Variants in SOX6 observed in about 807,000 individuals in gnomAD.
SOX6 encodes transcription factor SOX-6.
SOX6 carries 11 observed loss-of-function variants against 97.8 expected under a neutral mutation model. That is an observed-to-expected ratio of 0.11 (90% confidence interval 0.07 to 0.19). The LOEUF (loss-of-function observed/expected upper bound fraction) is 0.19. Ranked by LOEUF, SOX6 falls within the 10% of genes least tolerant of loss-of-function variation. The pLI is 1.00. For missense variants in SOX6, 810 were observed against 1,039.5 expected (o/e 0.78, Z 3.04); for synonymous variants, 360 against 371.4 (o/e 0.97, Z 0.35).
chr11:16,418,930 G>A (rs1369388618), intron 1 of SOX6, among the ~76,000 whole-genome samples: 1 of 152,052 alleles, frequency 6.6e-6, no homozygotes, highest in African/African-American at 2.4e-5. Flanking sequence ...CTATTTCTCT[G>A]AACAGTAGAG....
intron 3 of SOX6, among the ~76,000 whole-genome samples, chr11:16,254,196 CAGG>C (rs1029386163): frequency 1.3e-5 from 2 of 151,848 alleles, no homozygotes; most frequent in Admixed American, 6.6e-5. Flanking sequence ...AATGTGTTGC[CAGG>C]AGATGTTGAA....
chr11:16,401,202 A>G (rs1808958500), intron 1 of SOX6, among the ~76,000 whole-genome samples: 1 of 151,610 alleles, frequency 6.6e-6, no homozygotes, highest in African/African-American at 2.4e-5. Flanking sequence ...AAATTATAAC[A>G]ACGCATATGA....
At chr11:16,684,469 C>G (rs1272613953) in intron 3 of SOX6, among the ~76,000 whole-genome samples, 1 of 151,838 alleles carries the variant, frequency 6.6e-6, no homozygotes, top group East Asian at 1.9e-4. Context: ...TCTCAGCAAA[C>G]TATCACAAGG....
At chr11:16,393,184 C>T (rs1038190142) in intron 1 of SOX6, among the ~76,000 whole-genome samples, 1 of 152,052 alleles carries the variant, frequency 6.6e-6, no homozygotes, top group Non-Finnish European at 1.5e-5. Flanking sequence ...AGGACACCTA[C>T]TGAATTCTCC....
chr11:16,060,524 A>T (rs1383504921), intron 9 of SOX6, among the ~76,000 whole-genome samples: 1 of 152,032 alleles, frequency 6.6e-6, no homozygotes. Flanking sequence ...GAAGGTATTC[A>T]CAAAAATTAA....
At chr11:16,324,943 G>T (rs1856032684) in intron 2 of SOX6, among the ~76,000 whole-genome samples, 2 of 151,932 alleles carry the variant, frequency 1.3e-5, no homozygotes, top group Admixed American at 1.3e-4. Flanking sequence ...AAGAGGAGTT[G>T]GTTGATGAGT....
chr11:16,579,939 A>C (rs907626693), intron 4 of SOX6, among the ~76,000 whole-genome samples: 1 of 152,244 alleles, frequency 6.6e-6, no homozygotes, highest in Middle Eastern at 3.4e-3. Context: ...ATTTACCCTC[A>C]CCAACACGCA....
intron 2 of SOX6, among the ~76,000 whole-genome samples, chr11:16,319,562 T>C (rs1356571877): frequency 1.4e-5 from 2 of 147,100 alleles, no homozygotes; most frequent in African/African-American, 2.5e-5. Flanking sequence ...TGTGTCCAAG[T>C]GTTCCCACCT....
intron 13 of SOX6, among the ~76,000 whole-genome samples, chr11:16,013,784 A>G (rs2133861517): frequency 6.6e-6 from 1 of 152,020 alleles, no homozygotes; most frequent in East Asian, 2.0e-4. Flanking sequence ...AGGGCTTCCT[A>G]ATGTCTAATA....
Position 16,196,658 on chromosome 11 carries a change from CT to C in SOX6, c.536-9704del, listed in dbSNP as rs369841668. 8.7e-3 allele frequency among the ~76,000 whole-genome samples: 1,315 copies of C among 151,090 alleles called. 23 individuals are homozygous for C. Among genetic ancestry groups the C allele is most frequent in the African/African-American group, 0.03 (1,229 of 41,180 alleles). On this transcript the variant is annotated intron_variant, in intron 4 of 15. Transcript: ENST00000683767. ...CCTCTTCCATACTCACTGTCATACT[CT>C]TTTTTTTTCTTACTCTGATCTTGTT...
intron 4 of SOX6, among the ~76,000 whole-genome samples, chr11:16,502,203 A>G (rs1020239836): frequency 6.6e-6 from 1 of 152,304 alleles, no homozygotes; most frequent in Non-Finnish European, 1.5e-5. Flanking sequence ...TCAGCAAACT[A>G]CTGCAAGGAC....
chr11:16,078,954 T>A (rs1848415359), intron 9 of SOX6, among the ~76,000 whole-genome samples: 1 of 152,104 alleles, frequency 6.6e-6, no homozygotes, highest in South Asian at 2.1e-4. Context: ...ATGTCAGGTG[T>A]CAGAAAGATA....
intron 3 of SOX6, among the ~76,000 whole-genome samples, chr11:16,634,586 G>C (rs1460245165): frequency 6.6e-6 from 1 of 152,044 alleles, no homozygotes; most frequent in Non-Finnish European, 1.5e-5. Flanking sequence ...ATTTAATCAA[G>C]TCTATTGATT....
intron 6 of SOX6, among the ~76,000 whole-genome samples, chr11:16,134,320 C>G (rs912851793): frequency 2.6e-5 from 4 of 152,202 alleles, no homozygotes; most frequent in African/African-American, 9.6e-5. Context: ...ATTTTCAAGA[C>G]TGGGGCCCTG....
chr11:16,495,375 G>T (rs187269512), intron 4 of SOX6, among the ~76,000 whole-genome samples: 1 of 152,248 alleles, frequency 6.6e-6, no homozygotes, highest in East Asian at 1.9e-4. Context: ...GTGCCCATAT[G>T]TACCACCAAG....
intron 9 of SOX6, among the ~76,000 whole-genome samples, chr11:16,082,868 C>T (rs1199432102): frequency 6.6e-6 from 1 of 152,108 alleles, no homozygotes; most frequent in Non-Finnish European, 1.5e-5. Context: ...GTGATCTGAC[C>T]CCTTGCATAC....
chr11:16,296,019 GTCCTT>G (rs1855074257), intron 3 of SOX6, among the ~76,000 whole-genome samples: 1 of 152,086 alleles, frequency 6.6e-6, no homozygotes, highest in East Asian at 1.9e-4. Context: ...AAAGATGAAG[GTCCTT>G]TAGGCCCTTC....
chr11:16,322,587 C>A (rs1855961296), intron 2 of SOX6, among the ~76,000 whole-genome samples: 1 of 152,182 alleles, frequency 6.6e-6, no homozygotes, highest in African/African-American at 2.4e-5. Context: ...CACTGCAGCA[C>A]TGCTGTGAAG....
chr11:16,401,751 G>C (rs1318868632), intron 1 of SOX6, among the ~76,000 whole-genome samples: 1 of 151,380 alleles, frequency 6.6e-6, no homozygotes, highest in African/African-American at 2.4e-5. Context: ...AAAGAATAAA[G>C]GATACAGCAA....
Sources: allele counts gnomAD v4.1 joint callset (sites outside exome capture counted in the v4.1 genomes callset), GRCh38; gene constraint gnomAD v4.1.1; transcripts MANE v1.5; gene names NCBI Gene and HGNC (gene_info 2026-07-23, HGNC 2026-07-21).